Variants in SCHIP1 observed in about 807,000 individuals in gnomAD.
The protein encoded by SCHIP1 is schwannomin interacting protein 1.
SCHIP1 carries 8 observed loss-of-function variants against 29.7 expected under a neutral mutation model. That is an observed-to-expected ratio of 0.27 (90% CI 0.16 to 0.49). SCHIP1 has a LOEUF of 0.49. Ranked by LOEUF, SCHIP1 falls within the 20% of genes least tolerant of loss-of-function variation. SCHIP1 has a pLI of 0.99. For synonymous variants in SCHIP1, 76 were observed against 94.9 expected (o/e 0.80, Z 1.16); for missense variants, 193 against 294.6 (o/e 0.66, Z 2.52).
the SCHIP1 span, among the ~76,000 whole-genome samples, chr3:159,517,115 G>C: frequency 6.6e-6 from 1 of 152,152 alleles, no homozygotes; most frequent in Non-Finnish European, 1.5e-5. Flanking sequence ...CCAGAACAAT[G>C]AGTATTGGGC....
At chr3:159,293,650 TCAGA>T in the SCHIP1 span, among the ~76,000 whole-genome samples, 3 of 152,214 alleles carry the variant, frequency 2.0e-5, no homozygotes, top group Non-Finnish European at 4.4e-5. Context: ...AAAAGGAATC[TCAGA>T]CAAATAGGAG....
At chr3:159,757,562 C>T in the SCHIP1 span, among the ~76,000 whole-genome samples, 1 of 152,206 alleles carries the variant, frequency 6.6e-6, no homozygotes, top group Non-Finnish European at 1.5e-5. Context: ...CCTGGAACTC[C>T]CTGTCACCGG....
the SCHIP1 span, among the ~76,000 whole-genome samples, chr3:159,315,763 G>A: frequency 1.3e-5 from 2 of 151,862 alleles, no homozygotes; most frequent in East Asian, 3.9e-4. Context: ...TATTTCTAAG[G>A]GTAGGTTTTG....
chr3:159,590,459 C>T, the SCHIP1 span, among the ~76,000 whole-genome samples: 1 of 152,080 alleles, frequency 6.6e-6, no homozygotes, highest in African/African-American at 2.4e-5. Context: ...ACCTGTAGTC[C>T]CAGCTACTTG....
the SCHIP1 span, among the ~76,000 whole-genome samples, chr3:159,394,888 T>A: frequency 3.9e-5 from 6 of 152,146 alleles, no homozygotes; most frequent in African/African-American, 1.4e-4. Flanking sequence ...TCAGAAGGAA[T>A]GGTACCAGTT....
chr3:159,393,742 T>G, the SCHIP1 span, among the ~76,000 whole-genome samples: 1 of 150,828 alleles, frequency 6.6e-6, no homozygotes, highest in Non-Finnish European at 1.5e-5. Context: ...TGAAGTCAGG[T>G]AGTGTGATGC....
chr3:159,888,232 A>G (rs1293311610), intron 4 of SCHIP1: 3 of 336,194 alleles, frequency 8.9e-6, no homozygotes, highest in Admixed American at 4.5e-5. Flanking sequence ...CAAACTTACT[A>G]TTGCTATAAT....
At chr3:159,455,490 T>C in the SCHIP1 span, among the ~76,000 whole-genome samples, 1 of 152,182 alleles carries the variant, frequency 6.6e-6, no homozygotes, top group African/African-American at 2.4e-5. Context: ...CTCAGAAAAG[T>C]ATACAAGTCA....
chr3:159,348,638 G>A, the SCHIP1 span, among the ~76,000 whole-genome samples: 2 of 152,118 alleles, frequency 1.3e-5, no homozygotes, highest in Non-Finnish European at 2.9e-5. Context: ...CGTCAGAAAT[G>A]CCAGGAAGAA....
At chr3:159,411,282 C>A in the SCHIP1 span, among the ~76,000 whole-genome samples, 4 of 152,046 alleles carry the variant, frequency 2.6e-5, no homozygotes, top group Admixed American at 6.5e-5. Flanking sequence ...AAGACTATAG[C>A]TGAGTTGTTT....
the SCHIP1 span, among the ~76,000 whole-genome samples, chr3:159,296,329 T>C: frequency 2.0e-5 from 3 of 152,130 alleles, no homozygotes; most frequent in African/African-American, 7.2e-5. Flanking sequence ...AATTGACAAA[T>C]AAAAATTGCA....
the SCHIP1 span, among the ~76,000 whole-genome samples, chr3:159,366,562 G>A: frequency 6.6e-6 from 1 of 152,114 alleles, no homozygotes; most frequent in Non-Finnish European, 1.5e-5. Flanking sequence ...CACTTCACAT[G>A]GTGGCATAGA....
At chr3:159,397,875 T>G in the SCHIP1 span, among the ~76,000 whole-genome samples, 1 of 152,208 alleles carries the variant, frequency 6.6e-6, no homozygotes, top group African/African-American at 2.4e-5. Context: ...TCCTGACTGC[T>G]TTGTTTACCT....
At chr3:159,410,557 G>A in the SCHIP1 span, among the ~76,000 whole-genome samples, 1 of 152,100 alleles carries the variant, frequency 6.6e-6, no homozygotes, top group Non-Finnish European at 1.5e-5. Flanking sequence ...TCAGAGAAAT[G>A]CAAATCAAAA....
At chr3:159,597,692 G>A in the SCHIP1 span, among the ~76,000 whole-genome samples, 4 of 152,202 alleles carry the variant, frequency 2.6e-5, no homozygotes, top group Middle Eastern at 3.4e-3. Flanking sequence ...TGGAAATTTA[G>A]GGTGTTTCCA....
At chr3:159,824,046 A>C in the SCHIP1 span, among the ~76,000 whole-genome samples, 1 of 152,230 alleles carries the variant, frequency 6.6e-6, no homozygotes, top group Non-Finnish European at 1.5e-5. Flanking sequence ...TTTGTAAACA[A>C]GAACGTAATT....
At chr3:159,457,921 G>T in the SCHIP1 span, among the ~76,000 whole-genome samples, 1 of 152,102 alleles carries the variant, frequency 6.6e-6, no homozygotes, top group Non-Finnish European at 1.5e-5. Context: ...TTAGTTGACT[G>T]CAGGTAACTG....
chr3:159,687,757 C>T, the SCHIP1 span, among the ~76,000 whole-genome samples: 1 of 152,184 alleles, frequency 6.6e-6, no homozygotes, highest in African/African-American at 2.4e-5. Flanking sequence ...CCTTGCCCCT[C>T]ACTCTCCGAC....
the SCHIP1 span, among the ~76,000 whole-genome samples, chr3:159,678,309 C>T: frequency 6.6e-6 from 1 of 152,204 alleles, no homozygotes; most frequent in Admixed American, 6.5e-5. Flanking sequence ...AAGCAGTCTT[C>T]AGAGACTAAT....
Sources: gnomAD v4.1 joint callset for allele counts (sites outside exome capture counted in the v4.1 genomes callset) on GRCh38, gnomAD v4.1.1 for gene constraint, MANE v1.5 for transcripts, NCBI Gene and HGNC (gene_info 2026-07-23, HGNC 2026-07-21) for gene names.